Variants in ANKMY2 observed in about 807,000 individuals in gnomAD.
ANKMY2 encodes the protein ankyrin repeat and MYND domain-containing protein 2.
ANKMY2 carries 36 observed loss-of-function variants against 50.4 expected under a neutral mutation model. The ratio of observed to expected loss-of-function variants is 0.71; its 90% confidence interval spans 0.55 to 0.94. The LOEUF (loss-of-function observed/expected upper bound fraction) is 0.94. ANKMY2 is among the 40% of genes least tolerant of loss of function. The probability of loss-of-function intolerance (pLI) is 0.00; values close to 1 mark genes in which losing one functional copy is unlikely to be tolerated. For missense variants in ANKMY2, 565 were observed against 524.0 expected, an observed-to-expected ratio of 1.08 and a Z score of -0.76; for synonymous variants, 187 against 178.8, an observed-to-expected ratio of 1.05 and a Z score of -0.36.
chr7:16,630,727 G>A (rs1310691053), intron 2 of ANKMY2, among the ~76,000 whole-genome samples: 1 of 152,160 alleles, frequency 6.6e-6, no homozygotes, highest in Non-Finnish European at 1.5e-5. Flanking sequence ...AGTGCTGGAA[G>A]AAAATAACAT....
At chr7:16,641,097 G>A (rs375089972) in intron 1 of ANKMY2, among the ~76,000 whole-genome samples, 4 of 152,180 alleles carry the variant, frequency 2.6e-5, no homozygotes, top group South Asian at 4.2e-4. Flanking sequence ...AGCCGGGCGC[G>A]GTGGTGCACG....
intron 1 of ANKMY2, chr7:16,644,615 C>G: frequency 2.2e-6 from 1 of 447,800 alleles, no homozygotes; most frequent in South Asian, 1.6e-5. Flanking sequence ...ATTAATTGCC[C>G]GGAGTCGCAC....
chr7:16,603,166 T>C (rs1781099088), intron 8 of ANKMY2, among the ~76,000 whole-genome samples: 1 of 152,212 alleles, frequency 6.6e-6, no homozygotes, highest in Non-Finnish European at 1.5e-5. Context: ...TAGCTTATTA[T>C]GAACCCGCTA....
At chr7:16,627,722 C>T (rs770990165) in intron 2 of ANKMY2, among the ~76,000 whole-genome samples, 5 of 152,170 alleles carry the variant, frequency 3.3e-5, no homozygotes, top group Non-Finnish European at 7.3e-5. Flanking sequence ...TTTTTTAAAA[C>T]CATGATTCCC....
At chr7:16,641,481 A>C (rs992766813) in intron 1 of ANKMY2, among the ~76,000 whole-genome samples, 2 of 152,222 alleles carry the variant, frequency 1.3e-5, no homozygotes, top group Admixed American at 1.3e-4. Context: ...CCAGCCATCC[A>C]ACTAATGGTA....
chr7:16,616,763 C>T (rs1206076066), intron 4 of ANKMY2, among the ~76,000 whole-genome samples: 1 of 152,230 alleles, frequency 6.6e-6, no homozygotes, highest in African/African-American at 2.4e-5. Context: ...CTGGGGAGAG[C>T]GTGCAGACGC....
intron 5 of ANKMY2, 144 bp from the exon 6 acceptor site, chr7:16,610,907 C>A (rs1781240230): frequency 1.4e-6 from 1 of 701,356 alleles, no homozygotes; most frequent in Non-Finnish European, 2.3e-6. Flanking sequence ...TGTTAGAATG[C>A]AAATTACCCA....
At chr7:16,629,353 T>A (rs1259802872) in intron 2 of ANKMY2, among the ~76,000 whole-genome samples, 1 of 152,122 alleles carries the variant, frequency 6.6e-6, no homozygotes, top group Non-Finnish European at 1.5e-5. Context: ...CTGGCCAACA[T>A]GGCAAAACCC....
intron 9 of ANKMY2, among the ~76,000 whole-genome samples, chr7:16,601,803 A>T (rs1781072091): frequency 1.3e-5 from 2 of 152,244 alleles, no homozygotes; most frequent in African/African-American, 4.8e-5. Flanking sequence ...CTGCTGAAGC[A>T]ACTCACTATT....
At chr7:16,640,407 A>G (rs1441247877) in intron 1 of ANKMY2, among the ~76,000 whole-genome samples, 1 of 152,238 alleles carries the variant, frequency 6.6e-6, no homozygotes, top group Non-Finnish European at 1.5e-5. Context: ...TACCAAAGAC[A>G]AGAAGATGCA....
Position 16,602,477 on chromosome 7 carries a change from T to C in ANKMY2, c.1044A>G (p.Thr348=). The C allele has an allele frequency of 6.2e-7, 1 of 1,613,760 alleles. No individual in the cohort carries two copies. Among genetic ancestry groups the C allele is most frequent in the Non-Finnish European group, 8.5e-7 (1 of 1,179,920 alleles). Residue 348 remains threonine (T), a synonymous_variant, in exon 9 of 10, where the codon ACA becomes ACG. Coordinates refer to ENST00000306999, the MANE Select transcript of ANKMY2 (RefSeq NM_020319.3). ...VIYCDQTCQK[T]HWFTHKKICK... ...AGATTTTCTTATGAGTAAACCAGTG[T>C]GTTTTCTGGCAGGTTTGATCACAAT...
intron 6 of ANKMY2, 34 bp from the exon 7 acceptor site, chr7:16,609,799 G>T: frequency 6.2e-7 from 1 of 1,603,174 alleles, no homozygotes; most frequent in South Asian, 1.1e-5. Context: ...AATTGGAGTT[G>T]AATCACTAAG....
At chr7:16,627,008 G>T in intron 3 of ANKMY2, 32 bp downstream of exon 3, 8 of 1,537,566 alleles carry the variant, frequency 5.2e-6, no homozygotes, top group Non-Finnish European at 7.0e-6. Flanking sequence ...GTTTGTATAG[G>T]TAACTTATAT....
chr7:16,603,281 C>G (rs541150421), intron 8 of ANKMY2, among the ~76,000 whole-genome samples: 1 of 152,162 alleles, frequency 6.6e-6, no homozygotes, highest in South Asian at 2.1e-4. Flanking sequence ...GAGGCAGGCA[C>G]CTAAATACAT....
chr7:16,637,078 T>A (rs1781672957), intron 1 of ANKMY2, among the ~76,000 whole-genome samples: 1 of 152,116 alleles, frequency 6.6e-6, no homozygotes, highest in African/African-American at 2.4e-5. Context: ...AGTTGTCAGG[T>A]TTTTCCAGTC....
Position 16,645,567 on chromosome 7 carries a change from G to A in ANKMY2, c.7C>T (p.His3Tyr). Reference protein sequence around the residue: MVHIKKGELTQEE... With the variant: MVYIKKGELTQEE... ...TGGGTCAGCTCGCCTTTCTTTATGT[G>A]AACCATTGCTCCCGCCAGCTTGAAG... The change falls in exon 1 of 10, where the codon CAC becomes TAC. Residue 3 changes from histidine to tyrosine, a missense_variant. His to Tyr is a moderately conservative substitution (Grantham distance 83). Transcript: ENST00000306999. 3.7e-6 allele frequency: 6 copies of A among 1,611,758 alleles called. No homozygotes were observed. The highest frequency in any genetic ancestry group is 5.1e-6 in the Non-Finnish European group (6 of 1,178,898).
chr7:16,604,540 G>T (rs1781121654), intron 8 of ANKMY2, among the ~76,000 whole-genome samples, 181 bp downstream of exon 8: 1 of 152,136 alleles, frequency 6.6e-6, no homozygotes, highest in South Asian at 2.1e-4. Flanking sequence ...ACACAGTAAA[G>T]AACTATATTG....
chr7:16,626,141 T>C (rs1377448322), intron 3 of ANKMY2, among the ~76,000 whole-genome samples: 2 of 151,940 alleles, frequency 1.3e-5, no homozygotes, highest in Non-Finnish European at 2.9e-5. Context: ...CCACTGTCCC[T>C]GGCTAATATT....
rs1389627556 is a variant in ANKMY2, at chr7:16,602,475, T to C, written c.1046A>G (p.His349Arg). 30 of 1,613,498 alleles carry C rather than the reference T, an allele frequency of 1.9e-5. No homozygotes were observed. The highest frequency in any genetic ancestry group is 2.5e-5 in the Non-Finnish European group (30 of 1,179,880). Residue 349 changes from histidine (H) to arginine (R), a missense_variant, in exon 9 of 10, where the codon CAC becomes CGC. Coordinates refer to ENST00000306999, the MANE Select transcript of ANKMY2 (RefSeq NM_020319.3). ...ACAGATTTTCTTATGAGTAAACCAG[T>C]GTGTTTTCTGGCAGGTTTGATCACA... is the stretch of plus-strand genomic sequence containing the variant. The part of the protein sequence containing the change: ...IYCDQTCQKT[H>R]WFTHKKICKN...
Sources: gnomAD v4.1 joint callset for allele counts (sites outside exome capture counted in the v4.1 genomes callset) on GRCh38, gnomAD v4.1.1 for gene constraint, MANE v1.5 for transcripts, NCBI Gene and HGNC (gene_info 2026-07-23, HGNC 2026-07-21) for gene names.